The following LCA5 variants were observed in gnomAD, a reference collection of about 807,000 sequenced individuals.
The protein encoded by LCA5 is lebercilin LCA5, also known as lebercilin.
Under a neutral mutation model 53.0 loss-of-function variants are expected in LCA5, and 37 were observed. That is an observed-to-expected ratio of 0.70 (90% CI 0.54 to 0.92). The LOEUF is 0.92. LCA5 is among the 40% of genes least tolerant of loss of function. LCA5 has a pLI of 0.00. For synonymous variants in LCA5, 303 were observed against 282.9 expected (o/e 1.07, Z -0.71); for missense variants, 806 against 790.5 (o/e 1.02, Z -0.23).
At chr6:79,505,709 G>C (rs1770256092) in intron 3 of LCA5, among the ~76,000 whole-genome samples, 1 of 152,128 alleles carries the variant, frequency 6.6e-6, no homozygotes, top group Admixed American at 6.6e-5. Flanking sequence ...AGAAGAGGTA[G>C]AAGAGGCAAA....
intron 3 of LCA5, among the ~76,000 whole-genome samples, chr6:79,500,245 TAAAC>T (rs1040371084): frequency 1.9e-4 from 29 of 152,292 alleles, no homozygotes; most frequent in African/African-American, 7.0e-4. Context: ...AAAACATCTT[TAAAC>T]AAACACGTTA....
intron 3 of LCA5, among the ~76,000 whole-genome samples, chr6:79,508,528 G>T (rs549178198): frequency 4.3e-4 from 65 of 151,328 alleles, no homozygotes; most frequent in Middle Eastern, 3.4e-3. Flanking sequence ...ATGAGTTGTG[G>T]CCTGAAATCC....
At chr6:79,511,819 T>A (rs988187083) in intron 3 of LCA5, among the ~76,000 whole-genome samples, 1 of 152,182 alleles carries the variant, frequency 6.6e-6, no homozygotes, top group African/African-American at 2.4e-5. Context: ...TATAGGTGAC[T>A]GATTTTCATG....
intron 3 of LCA5, among the ~76,000 whole-genome samples, chr6:79,500,311 C>T (rs1770102534): frequency 6.6e-6 from 1 of 152,088 alleles, no homozygotes; most frequent in Non-Finnish European, 1.5e-5. Flanking sequence ...GGACATATCA[C>T]AGAATTCTGT....
chr6:79,512,355 G>A (rs1766244413), intron 3 of LCA5, among the ~76,000 whole-genome samples: 1 of 152,056 alleles, frequency 6.6e-6, no homozygotes, highest in Non-Finnish European at 1.5e-5. Flanking sequence ...GGCCACTGAT[G>A]TACGGTGCAT....
At chr6:79,489,325 T>TA in intron 6 of LCA5, 109 bp from the exon 7 acceptor site, 3 of 1,154,616 alleles carry the variant, frequency 2.6e-6, no homozygotes, top group Non-Finnish European at 3.7e-6. Context: ...TAAAAATTAA[T>TA]ACAAATTTTC....
chr6:79,515,017 TAAAAC>T (rs1322632393), intron 2 of LCA5, among the ~76,000 whole-genome samples: 1 of 151,684 alleles, frequency 6.6e-6, no homozygotes, highest in African/African-American at 2.4e-5. Flanking sequence ...TCCTTGAACT[TAAAAC>T]TAAAAAAAAA....
In LCA5 at chr6:79,491,689, C is replaced by A; in HGVS notation, c.997G>T (p.Val333Leu). 1.2e-6 allele frequency: 2 copies of A among 1,613,032 alleles called. No individual in the cohort carries two copies. The highest frequency in any genetic ancestry group is 1.7e-6 in the Non-Finnish European group (2 of 1,179,274). ...SDFADLCTKG[V>L]QTMEDFKPEE... ...GGCTTGAAGTCTTCCATGGTTTGTA[C>A]TCCTTTTGTACACAGGTCTGCAAAA... Residue 333 changes from valine to leucine, a missense_variant, in exon 6 of 8, where the codon GTA (valine) becomes TTA (leucine). By Grantham distance (32) the Val-to-Leu change is conservative. Coordinates refer to ENST00000369846, the MANE Select transcript of LCA5 (RefSeq NM_001122769.3).
chr6:79,513,135 C>T (rs767862172), intron 3 of LCA5, 77 bp downstream of exon 3: 17 of 1,381,686 alleles, frequency 1.2e-5, no homozygotes, highest in Admixed American at 3.4e-5. Flanking sequence ...CTGCAATAAG[C>T]AATTTTAAGA....
chr6:79,518,612 T>A, intron 2 of LCA5, 93 bp downstream of exon 2: 1 of 1,139,632 alleles, frequency 8.8e-7, no homozygotes, highest in Non-Finnish European at 1.3e-6. Flanking sequence ...CAACAACATA[T>A]ATACTAATAA....
chr6:79,513,797 T>G, intron 2 of LCA5, 56 bp from the exon 3 acceptor site: 1 of 1,529,840 alleles, frequency 6.5e-7, no homozygotes, highest in Non-Finnish European at 9.0e-7. Context: ...ACAGTGTTAT[T>G]TGTTCATCCT....
chr6:79,508,283 T>C (rs536423967), intron 3 of LCA5, among the ~76,000 whole-genome samples: 10 of 152,294 alleles, frequency 6.6e-5, no homozygotes, highest in African/African-American at 2.4e-4. Flanking sequence ...ATAGATACCT[T>C]TGGCTGTTTG....
At chr6:79,522,830 G>A (rs1472878681) in intron 1 of LCA5, among the ~76,000 whole-genome samples, 2 of 151,434 alleles carry the variant, frequency 1.3e-5, no homozygotes, top group African/African-American at 2.4e-5. Flanking sequence ...ACAGGCATGC[G>A]CCACCACGCC....
chr6:79,531,860 A>C (rs1241080886), intron 1 of LCA5, among the ~76,000 whole-genome samples: 1 of 152,084 alleles, frequency 6.6e-6, no homozygotes, highest in Non-Finnish European at 1.5e-5. Context: ...TGATCTCTAA[A>C]TGTTGGAATA....
chr6:79,525,640 C>T (rs547189470), intron 1 of LCA5, among the ~76,000 whole-genome samples: 3 of 152,194 alleles, frequency 2.0e-5, no homozygotes, highest in African/African-American at 7.2e-5. Context: ...CAAAGGCATT[C>T]GAAATTCAAC....
At chr6:79,512,074 T>G (rs1417388059) in intron 3 of LCA5, among the ~76,000 whole-genome samples, 1 of 152,172 alleles carries the variant, frequency 6.6e-6, no homozygotes, top group East Asian at 1.9e-4. Context: ...TAGCATTCTG[T>G]GCGCTTCGTA....
chr6:79,507,642 T>A (rs1397289433), intron 3 of LCA5, among the ~76,000 whole-genome samples: 1 of 152,032 alleles, frequency 6.6e-6, no homozygotes, highest in African/African-American at 2.4e-5. Flanking sequence ...GAATGTGTGT[T>A]CACAGTTCCA....
chr6:79,518,642 A>T, intron 2 of LCA5, 63 bp downstream of exon 2: 2 of 1,455,288 alleles, frequency 1.4e-6, no homozygotes. Flanking sequence ...ATGCACACAC[A>T]TTTTCCTTAA....
chr6:79,512,263 C>A (rs1017717721), intron 3 of LCA5, among the ~76,000 whole-genome samples: 1 of 151,982 alleles, frequency 6.6e-6, no homozygotes, highest in African/African-American at 2.4e-5. Flanking sequence ...TTATTGGAAT[C>A]TACATAATAG....
Sources: allele counts gnomAD v4.1 joint callset (sites outside exome capture counted in the v4.1 genomes callset), GRCh38; gene constraint gnomAD v4.1.1; transcripts MANE v1.5; gene names NCBI Gene and HGNC (gene_info 2026-07-23, HGNC 2026-07-21).